Variants in RNF212 observed in about 807,000 individuals in gnomAD.
The protein encoded by RNF212 is ring finger protein 212.
RNF212 carries 33 observed loss-of-function variants against 34.7 expected under a neutral mutation model. That is an observed-to-expected ratio of 0.95 (90% CI 0.72 to 1.27). RNF212 has a LOEUF of 1.27. Ranked by LOEUF, RNF212 falls within the 50% of genes most tolerant of loss-of-function variation. RNF212 has a pLI of 0.00. For synonymous variants in RNF212, 140 were observed against 136.1 expected (o/e 1.03, Z -0.20); for missense variants, 377 against 362.2 (o/e 1.04, Z -0.33).
At chr4:1,060,672 G>A (rs1333663550) in intron 3 of RNF212, among the ~76,000 whole-genome samples, 1 of 152,268 alleles carries the variant, frequency 6.6e-6, no homozygotes, top group Non-Finnish European at 1.5e-5. Context: ...GACATTTGAA[G>A]AGAGTAAATT....
At chr4:1,062,686 C>A (rs1265507126) in intron 3 of RNF212, among the ~76,000 whole-genome samples, 1 of 152,146 alleles carries the variant, frequency 6.6e-6, no homozygotes, top group African/African-American at 2.4e-5. Flanking sequence ...GAAAGTCCTG[C>A]AGTGGGACGG....
intron 1 of RNF212, among the ~76,000 whole-genome samples, chr4:1,108,708 T>G (rs866692070): frequency 6.6e-6 from 1 of 152,086 alleles, no homozygotes; most frequent in East Asian, 1.9e-4. Flanking sequence ...AAATTAAAAA[T>G]TTTTTTTGAG....
At chr4:1,090,471 C>G (rs954226258) in intron 4 of RNF212, among the ~76,000 whole-genome samples, 5 of 152,158 alleles carry the variant, frequency 3.3e-5, no homozygotes, top group Non-Finnish European at 7.3e-5. Context: ...AGCAGAGAAG[C>G]CTTCAAGCTG....
intron 8 of RNF212, among the ~76,000 whole-genome samples, chr4:1,078,653 G>C (rs138831120): frequency 6.6e-6 from 1 of 152,352 alleles, no homozygotes; most frequent in Admixed American, 6.5e-5. Context: ...TTAAAGCCCA[G>C]GGCCACCAAC....
At chr4:1,108,208 A>G (rs1001822057) in intron 2 of RNF212, 135 bp downstream of exon 2, 41 of 548,684 alleles carry the variant, frequency 7.5e-5, no homozygotes, top group Admixed American at 4.3e-4. Flanking sequence ...CTGCATTTTG[A>G]TTACTCAGAT....
chr4:1,106,289 C>G (rs1006631002), intron 2 of RNF212, among the ~76,000 whole-genome samples: 1 of 143,988 alleles, frequency 6.9e-6, no homozygotes, highest in East Asian at 2.0e-4. Context: ...CACACACACA[C>G]AGTCACTCAG....
chr4:1,073,709 C>T lies in RNF212; in HGVS notation c.511-47G>A, dbSNP rs962915953. ...AATGGGTAAAATTCCAATATTGCGG[C>T]TTACGAGATTCGGACTCCCACTGTC... On this transcript the variant is annotated intron_variant, in intron 8 of 9. Transcript: ENST00000433731. The T allele has an allele frequency of 3.7e-5, 50 of 1,359,008 alleles. No homozygotes were observed. The Admixed American group carries it at 8.1e-4, about 22-fold the overall frequency. The allele number at this position is 1,359,008 out of a possible 1,614,324, so 84.2% of individuals were successfully genotyped here. A position where few individuals can be genotyped will look rare whatever the true frequency, so the allele number is the denominator to read the frequency against.
chr4:1,074,049 T>C (rs894391801), intron 8 of RNF212, among the ~76,000 whole-genome samples: 20 of 152,174 alleles, frequency 1.3e-4, no homozygotes, highest in African/African-American at 4.8e-4. Context: ...CAGATGCTGA[T>C]GGACAGGTTG....
At position 1,060,297 on chromosome 4, in the gene RNF212, G is replaced by A. The variant is rs551036654; in HGVS notation, n.148-1904C>T. On this transcript the variant is annotated intron_variant and non_coding_transcript_variant, in intron 3 of 4. Transcript: ENST00000503206. ...CCGAAAGACCCCTGCCGATCAGCCC[G>A]CTGTGTGTCCCACAGGGCTTGGAGA... Among the ~76,000 whole-genome samples, 5 of 152,306 alleles carry A rather than the reference G, an allele frequency of 3.3e-5. No individual in the cohort carries two copies. In the East Asian group the frequency reaches 9.7e-4, roughly 29 times the overall value.
chr4:1,108,211 A>C (rs1380534421), intron 2 of RNF212, 132 bp downstream of exon 2: 2 of 559,014 alleles, frequency 3.6e-6, no homozygotes, highest in Non-Finnish European at 6.3e-6. Context: ...CATTTTGATT[A>C]CTCAGATATC....
intron 8 of RNF212, among the ~76,000 whole-genome samples, chr4:1,078,491 T>G (rs1719704826): frequency 6.6e-6 from 1 of 152,234 alleles, no homozygotes; most frequent in African/African-American, 2.4e-5. Context: ...GCAGGTTTCC[T>G]CTGGTCTTGC....
At chr4:1,112,681 CCT>C (rs937448047) in intron 1 of RNF212, among the ~76,000 whole-genome samples, 8 of 149,418 alleles carry the variant, frequency 5.4e-5, no homozygotes, top group East Asian at 2.0e-4. Flanking sequence ...TGGCCCGACC[CCT>C]GTGTCCCCCT....
chr4:1,058,974 G>A (rs111572776), intron 3 of RNF212, among the ~76,000 whole-genome samples: 3,868 of 152,332 alleles, frequency 0.025, 49 homozygotes, highest in Non-Finnish European at 0.041. Flanking sequence ...TGCCCCACCC[G>A]TGTTTGCTTT....
chr4:1,068,412 C>T (rs1049548180), downstream of RNF212, among the ~76,000 whole-genome samples: 4 of 152,164 alleles, frequency 2.6e-5, no homozygotes, highest in Non-Finnish European at 5.9e-5. Flanking sequence ...CTTGATTTTT[C>T]AGCTGTGTTT....
intron 2 of RNF212, among the ~76,000 whole-genome samples, chr4:1,097,698 C>T (rs1176817005): frequency 6.6e-6 from 1 of 150,840 alleles, no homozygotes. Flanking sequence ...CCTCACTTTC[C>T]CCAGCCAGGA....
intron 1 of RNF212, among the ~76,000 whole-genome samples, chr4:1,112,032 C>A (rs536618243): frequency 3.2e-4 from 49 of 152,278 alleles, no homozygotes; most frequent in African/African-American, 1.1e-3. Flanking sequence ...AACAAAGGGA[C>A]CCCATCTCTG....
intron 1 of RNF212, among the ~76,000 whole-genome samples, chr4:1,110,782 G>A (rs1171425837): frequency 6.6e-6 from 1 of 152,166 alleles, no homozygotes; most frequent in African/African-American, 2.4e-5. Context: ...TCAAGGCTCT[G>A]CCCAGAGCCT....
At chr4:1,104,401 C>G (rs1009697464) in intron 2 of RNF212, among the ~76,000 whole-genome samples, 5 of 152,196 alleles carry the variant, frequency 3.3e-5, no homozygotes, top group Admixed American at 1.3e-4. Context: ...GGGCTCAGGT[C>G]ACCCCGCCCC....
In RNF212 at chr4:1,078,912, AGGACCAACACG is replaced by A. The variant is rs376036227; in HGVS notation, c.510+720_510+730del. Among the ~76,000 whole-genome samples the A allele has an allele frequency of 1.3e-3, 169 of 134,132 alleles. 4 individuals carry two copies. Among genetic ancestry groups the A allele is most frequent in the African/African-American group, 5.1e-3 (155 of 30,348 alleles). The allele number at this position is 134,132 out of a possible 152,430, so 88.0% of individuals were successfully genotyped here. A position where few individuals can be genotyped will look rare whatever the true frequency, so the allele number is the denominator to read the frequency against. ...CATGGGACCAACACAGGGTCAACAC[AGGACCAACACG>A]GGACCAACACAGGGTCAACACAGGA... is the stretch of plus-strand genomic sequence containing the variant. On this transcript the variant is annotated intron_variant, in intron 8 of 9. Transcript: ENST00000433731.
Sources: allele counts gnomAD v4.1 joint callset (sites outside exome capture counted in the v4.1 genomes callset), GRCh38; gene constraint gnomAD v4.1.1; transcripts MANE v1.5; gene names NCBI Gene and HGNC (gene_info 2026-07-23, HGNC 2026-07-21).